Variants in TMEM131L observed in about 807,000 individuals in gnomAD.
TMEM131L encodes transmembrane protein 131-like.
Under a neutral mutation model 192.2 loss-of-function variants are expected in TMEM131L, and 54 were observed. That is an observed-to-expected ratio of 0.28 (90% CI 0.23 to 0.35). The LOEUF (loss-of-function observed/expected upper bound fraction) is 0.35, where lower values mean the gene tolerates loss of function less well. Ranked by LOEUF, TMEM131L falls within the 10% of genes least tolerant of loss-of-function variation. TMEM131L has a pLI of 1.00. For missense variants in TMEM131L, 1,888 were observed against 1,972.9 expected (o/e 0.96, Z 0.82); for synonymous variants, 701 against 704.9 (o/e 0.99, Z 0.09).
At chr4:153,615,129 T>C (rs565152295) in intron 26 of TMEM131L, among the ~76,000 whole-genome samples, 6 of 152,364 alleles carry the variant, frequency 3.9e-5, no homozygotes, top group Admixed American at 1.3e-4. Flanking sequence ...CGGTTAGTTA[T>C]TTAACATTGC....
chr4:153,591,630 A>G (rs923998785), intron 17 of TMEM131L, among the ~76,000 whole-genome samples: 3 of 152,134 alleles, frequency 2.0e-5, no homozygotes, highest in African/African-American at 7.2e-5. Context: ...GGTGGCGGGA[A>G]GACTGGGCAA....
At chr4:153,608,884 T>A (rs1288033742) in intron 25 of TMEM131L, among the ~76,000 whole-genome samples, 2 of 152,258 alleles carry the variant, frequency 1.3e-5, no homozygotes, top group East Asian at 3.8e-4. Context: ...AAGCTGTACA[T>A]ACTTAATGTA....
At chr4:153,533,471 G>C (rs1412748762) in intron 3 of TMEM131L, among the ~76,000 whole-genome samples, 1 of 152,158 alleles carries the variant, frequency 6.6e-6, no homozygotes. Context: ...TCTAGGTTTT[G>C]ATTTATTTCT....
intron 3 of TMEM131L, among the ~76,000 whole-genome samples, chr4:153,548,018 GT>G (rs200063588): frequency 1.7e-4 from 23 of 134,410 alleles, no homozygotes; most frequent in Non-Finnish European, 2.1e-4. Flanking sequence ...GAAGTTGCCT[GT>G]TTTTTTTTTT....
intron 7 of TMEM131L, among the ~76,000 whole-genome samples, chr4:153,571,877 A>G (rs1729608469): frequency 2.0e-5 from 3 of 152,194 alleles, no homozygotes; most frequent in South Asian, 4.1e-4. Context: ...TTGAGGAACA[A>G]TTCCAGTCTG....
Position 153,573,710 on chromosome 4 carries a change from G to A in TMEM131L, c.661-7116G>A. Among the ~76,000 whole-genome samples the A allele has an allele frequency of 1.3e-5, 2 of 152,146 alleles. 1 individual carries two copies. The highest frequency in any genetic ancestry group is 3.8e-4 in the East Asian group (2 of 5,202). ...CACATTTCAGGGAGTGGGAGGTAGT[G>A]TCCAGTAAATGACACTTCTTTTTTT... On this transcript the variant is annotated intron_variant, in intron 7 of 34. Coordinates refer to ENST00000409959, the MANE Select transcript of TMEM131L (RefSeq NM_001131007.2).
chr4:153,508,859 G>T (rs1463569608), intron 3 of TMEM131L, among the ~76,000 whole-genome samples: 1 of 151,644 alleles, frequency 6.6e-6, no homozygotes, highest in Non-Finnish European at 1.5e-5. Flanking sequence ...GCCCAGGTTG[G>T]TCTCAAACTC....
chr4:153,568,605 G>T (rs1274156308), intron 7 of TMEM131L, among the ~76,000 whole-genome samples: 2 of 152,096 alleles, frequency 1.3e-5, no homozygotes, highest in African/African-American at 4.8e-5. Flanking sequence ...CTATTACCTG[G>T]CAATATAACA....
At chr4:153,587,623 C>T (rs950853580) in intron 14 of TMEM131L, 119 bp from the exon 15 acceptor site, 15 of 754,966 alleles carry the variant, frequency 2.0e-5, no homozygotes, top group Admixed American at 6.3e-5. Flanking sequence ...ATTTTTGGCT[C>T]GTGGTTAAAG....
At position 153,636,473 on chromosome 4, in the gene TMEM131L, A is replaced by AC; in HGVS notation, c.4733dup (p.Phe1579ValfsTer16). On this transcript the variant is annotated frameshift_variant, in exon 35 of 35. Transcript: ENST00000409959. LOFTEE classifies it high-confidence loss of function. ...TGCAAGGAATACTACCCGGGGTTCA[A>AC]CCCGTTTCGCGCCTATATGAACCTG... is the stretch of plus-strand genomic sequence containing the variant. 1 of 1,614,194 alleles carries AC rather than the reference A, an allele frequency of 6.2e-7. No individual in the cohort carries two copies. Among genetic ancestry groups the AC allele is most frequent in the Non-Finnish European group, 8.5e-7 (1 of 1,180,040 alleles).
At chr4:153,526,458 G>T (rs969339590) in intron 3 of TMEM131L, among the ~76,000 whole-genome samples, 1 of 151,968 alleles carries the variant, frequency 6.6e-6, no homozygotes, top group African/African-American at 2.4e-5. Context: ...GTCTTGGCCG[G>T]GCACGGTGGC....
intron 17 of TMEM131L, among the ~76,000 whole-genome samples, chr4:153,591,899 C>G (rs970736257): frequency 6.6e-6 from 1 of 152,056 alleles, no homozygotes; most frequent in African/African-American, 2.4e-5. Flanking sequence ...AATCTTTTTG[C>G]AAAGATTCAT....
At chr4:153,547,745 A>G (rs2150384328) in intron 3 of TMEM131L, among the ~76,000 whole-genome samples, 1 of 152,356 alleles carries the variant, frequency 6.6e-6, no homozygotes, top group East Asian at 1.9e-4. Context: ...TTCCTTGGAT[A>G]GGTCGTACAG....
At chr4:153,481,805 T>A (rs145916335) in intron 3 of TMEM131L, among the ~76,000 whole-genome samples, 2 of 152,194 alleles carry the variant, frequency 1.3e-5, no homozygotes, top group Non-Finnish European at 2.9e-5. Context: ...CACAAAGTGC[T>A]GGGATTACAG....
chr4:153,513,708 G>A (rs1734516033), intron 3 of TMEM131L, among the ~76,000 whole-genome samples: 1 of 152,176 alleles, frequency 6.6e-6, no homozygotes, highest in Admixed American at 6.5e-5. Flanking sequence ...AGGATAATGT[G>A]TTTGATGCTT....
intron 3 of TMEM131L, among the ~76,000 whole-genome samples, chr4:153,478,279 T>C (rs1731691545): frequency 6.6e-6 from 1 of 152,212 alleles, no homozygotes; most frequent in African/African-American, 2.4e-5. Flanking sequence ...GCTCTGTAAG[T>C]GTAATGTTCT....
At chr4:153,598,812 T>G in intron 21 of TMEM131L, 80 bp downstream of exon 21, 1 of 1,184,276 alleles carries the variant, frequency 8.4e-7, no homozygotes, top group Non-Finnish European at 1.1e-6. Context: ...AATTCTAAAT[T>G]TTAAATTCTA....
chr4:153,494,599 A>G (rs1733027696), intron 3 of TMEM131L, among the ~76,000 whole-genome samples: 1 of 152,178 alleles, frequency 6.6e-6, no homozygotes, highest in African/African-American at 2.4e-5. Context: ...TTAATATCTG[A>G]TACAACAGTC....
intron 3 of TMEM131L, among the ~76,000 whole-genome samples, chr4:153,506,503 G>A (rs1733992046): frequency 6.6e-6 from 1 of 152,096 alleles, no homozygotes; most frequent in African/African-American, 2.4e-5. Flanking sequence ...AGGGTGAACT[G>A]CTTCATTCAA....
Sources: gnomAD v4.1 joint callset for allele counts (sites outside exome capture counted in the v4.1 genomes callset) on GRCh38, gnomAD v4.1.1 for gene constraint, MANE v1.5 for transcripts, NCBI Gene and HGNC (gene_info 2026-07-23, HGNC 2026-07-21) for gene names.